Variants in KRABD2 observed in about 807,000 individuals in gnomAD.
KRABD2 encodes KRAB domain-containing protein 2.
the KRABD2 span, among the ~76,000 whole-genome samples, chr17:8,366,882 C>T: frequency 1.3e-5 from 2 of 152,180 alleles, no homozygotes; most frequent in South Asian, 4.2e-4. Context: ...CCACCGTGCC[C>T]GGCTAATACT....
the KRABD2 span, among the ~76,000 whole-genome samples, chr17:8,363,830 CATATATATATATAT>C: frequency 4.6e-5 from 4 of 87,014 alleles, no homozygotes; most frequent in Admixed American, 1.2e-4. Flanking sequence ...ATATATCATA[CATATATATATATAT>C]ATATATATAT....
At chr17:8,368,385 C>G in the KRABD2 span, among the ~76,000 whole-genome samples, 3 of 152,020 alleles carry the variant, frequency 2.0e-5, no homozygotes, top group African/African-American at 7.2e-5. Flanking sequence ...ATTCTTAGGG[C>G]TGCCATAAAA....
the KRABD2 span, among the ~76,000 whole-genome samples, chr17:8,362,236 G>A: frequency 1.3e-5 from 2 of 151,996 alleles, no homozygotes; most frequent in African/African-American, 2.4e-5. This position sits in a 1 kb window ranked among gnomAD's most constrained non-coding sequence, Gnocchi z 4.2. Context: ...AGGCTGAGGC[G>A]GGAGAATGGC....
chr17:8,370,627 T>C, the KRABD2 span, among the ~76,000 whole-genome samples: 1 of 152,226 alleles, frequency 6.6e-6, no homozygotes, highest in African/African-American at 2.4e-5. Context: ...TTTTAGACTT[T>C]AGGCAAACAG....
chr17:8,368,967 G>A, the KRABD2 span: 8 of 1,194,846 alleles, frequency 6.7e-6, no homozygotes, highest in Admixed American at 9.6e-5. Context: ...GCAGCCCTAA[G>A]AATAAATACA....
At chr17:8,374,763 G>A in the KRABD2 span, among the ~76,000 whole-genome samples, 1 of 149,888 alleles carries the variant, frequency 6.7e-6, no homozygotes, top group East Asian at 2.0e-4. Flanking sequence ...TGGCTAACAC[G>A]AGGAAACCCC....
At chr17:8,376,181 A>G in the KRABD2 span, 69 of 1,231,500 alleles carry the variant, frequency 5.6e-5, no homozygotes, top group Non-Finnish European at 6.9e-5. Context: ...TGAGCACAAA[A>G]GATGTTTAAA....
chr17:8,366,304 C>G, the KRABD2 span, among the ~76,000 whole-genome samples: 2 of 152,088 alleles, frequency 1.3e-5, no homozygotes, highest in African/African-American at 4.8e-5. Flanking sequence ...TCCCCTGTGG[C>G]TGGGTCAGTC....
the KRABD2 span, among the ~76,000 whole-genome samples, chr17:8,363,826 CATACATATATATATATATATATAT>C: frequency 7.4e-5 from 4 of 54,180 alleles, no homozygotes; most frequent in Admixed American, 8.9e-4. Flanking sequence ...ATATATATAT[CATACATATATATATATATATATAT>C]ATATATATAT....
the KRABD2 span, among the ~76,000 whole-genome samples, chr17:8,370,998 A>G: frequency 6.6e-6 from 1 of 152,098 alleles, no homozygotes; most frequent in Admixed American, 6.5e-5. Flanking sequence ...GTGAAACCCC[A>G]TCTCTACTAA....
the KRABD2 span, chr17:8,369,249 T>C: frequency 6.2e-7 from 1 of 1,614,228 alleles, no homozygotes; most frequent in Non-Finnish European, 8.5e-7. Flanking sequence ...AGCCCTTTCT[T>C]CCTGCCTGAT....
At chr17:8,368,404 CCTT>C in the KRABD2 span, among the ~76,000 whole-genome samples, 5 of 152,198 alleles carry the variant, frequency 3.3e-5, no homozygotes, top group East Asian at 9.7e-4. Flanking sequence ...AAAATTATGG[CCTT>C]CTCAGGGGAG....
the KRABD2 span, among the ~76,000 whole-genome samples, chr17:8,373,284 C>A: frequency 6.6e-6 from 1 of 152,240 alleles, no homozygotes; most frequent in East Asian, 1.9e-4. Flanking sequence ...GCCTGATTCT[C>A]CTGCCTCAGC....
At chr17:8,368,374 T>C in the KRABD2 span, among the ~76,000 whole-genome samples, 1 of 152,156 alleles carries the variant, frequency 6.6e-6, no homozygotes, top group Non-Finnish European at 1.5e-5. Flanking sequence ...TCTGTGTATT[T>C]ATTCTTAGGG....
chr17:8,374,937 C>CAAAAAAAAAAAAAA, the KRABD2 span, among the ~76,000 whole-genome samples: 163 of 46,182 alleles, frequency 3.5e-3, 21 homozygotes, highest in African/African-American at 7.8e-3. Context: ...GACTCTGTCA[C>CAAAAAAAAAAAAAA]AAAAAAAAAA....
At chr17:8,359,889 A>C in the KRABD2 span, 10 of 454,670 alleles carry the variant, frequency 2.2e-5, no homozygotes, top group African/African-American at 2.0e-4. Flanking sequence ...AGAGGCAAAA[A>C]CAAGAGGGGA....
At chr17:8,375,910 T>C in the KRABD2 span, 24 of 1,229,252 alleles carry the variant, frequency 2.0e-5, no homozygotes, top group Non-Finnish European at 6.1e-6. Flanking sequence ...CTGTGAGTCT[T>C]CGCCTTGGCT....
the KRABD2 span, chr17:8,369,151 C>T: frequency 6.2e-6 from 10 of 1,612,996 alleles, no homozygotes; most frequent in East Asian, 6.7e-5. Flanking sequence ...CAGAGGAGAC[C>T]GGAAGTCCCT....
the KRABD2 span, among the ~76,000 whole-genome samples, chr17:8,374,694 C>G: frequency 2.7e-5 from 4 of 150,066 alleles, no homozygotes; most frequent in African/African-American, 9.8e-5. Context: ...CACCTGTAAC[C>G]CCAGCACTTT....
Sources: allele counts gnomAD v4.1 joint callset (sites outside exome capture counted in the v4.1 genomes callset), GRCh38; gene constraint gnomAD v4.1.1; non-coding constraint Gnocchi (gnomAD v3.1); transcripts MANE v1.5; gene names NCBI Gene and HGNC (gene_info 2026-07-23, HGNC 2026-07-21).